MEIS1: variants seen among roughly 807,000 people sequenced by gnomAD.
MEIS1 encodes the protein homeobox protein Meis1.
MEIS1 carries 5 observed loss-of-function variants against 50.8 expected under a neutral mutation model. The observed-to-expected ratio is 0.10, with a 90% CI of 0.05 to 0.21. The LOEUF (loss-of-function observed/expected upper bound fraction) is 0.21. Among genes scored for constraint, MEIS1 ranks in the 10% least tolerant of loss-of-function variants. The pLI, the probability that MEIS1 is intolerant of heterozygous loss-of-function variation, is 1.00. For missense variants in MEIS1, 318 were observed against 517.3 expected (o/e 0.61, Z 3.74); for synonymous variants, 176 against 179.3 (o/e 0.98, Z 0.15).
chr2:66,450,700 T>C (rs1276093344), intron 6 of MEIS1, among the ~76,000 whole-genome samples: 1 of 152,150 alleles, frequency 6.6e-6, no homozygotes, highest in Non-Finnish European at 1.5e-5. Flanking sequence ...TGAGTGATAT[T>C]AGAATTACTC....
intron 10 of MEIS1, 143 bp from the exon 11 acceptor site, chr2:66,568,521 AAAT>A: frequency 2.1e-6 from 1 of 481,320 alleles, no homozygotes; most frequent in Non-Finnish European, 3.6e-6. Context: ...AGTCTGAGAG[AAAT>A]TTCACTTTGA....
intron 9 of MEIS1, among the ~76,000 whole-genome samples, chr2:66,552,726 C>G (rs942730039): frequency 6.6e-6 from 1 of 152,142 alleles, no homozygotes; most frequent in African/African-American, 2.4e-5. Context: ...TTATAATAAA[C>G]AGATTCAGCT....
chr2:66,510,014 A>C (rs1361354161), intron 7 of MEIS1, among the ~76,000 whole-genome samples: 1 of 152,194 alleles, frequency 6.6e-6, no homozygotes, highest in Admixed American at 6.5e-5. Context: ...GGAGGTGGTG[A>C]AAACAGTATT....
intron 8 of MEIS1, among the ~76,000 whole-genome samples, chr2:66,523,723 G>C (rs1674183505): frequency 6.6e-6 from 1 of 152,154 alleles, no homozygotes; most frequent in South Asian, 2.1e-4. Context: ...TTAATCTCCA[G>C]GGCTACAAAT....
chr2:66,435,707 C>T lies in MEIS1; in HGVS notation c.-150C>T, dbSNP rs969572514. 1.5e-6 allele frequency: 1 copy of T among 657,028 alleles called. No homozygotes were observed. The highest frequency in any genetic ancestry group is 2.0e-5 in the African/African-American group (1 of 49,384). 40.7% of individuals were successfully genotyped at this position (657,028 alleles called of 1,614,324 possible). On this transcript the variant is annotated 5_prime_UTR_variant, in exon 1 of 13. Transcript: ENST00000272369. ...GACCGAAGATCTGGGACCAGTAGCT[C>T]ACGTTGCTGGAGACGTTAAGGGATT...
At chr2:66,461,454 C>G (rs985044012) in intron 6 of MEIS1, among the ~76,000 whole-genome samples, 3 of 152,152 alleles carry the variant, frequency 2.0e-5, no homozygotes, top group Non-Finnish European at 4.4e-5. Flanking sequence ...TTCTAATGCT[C>G]AGTTTCATGT....
intron 7 of MEIS1, among the ~76,000 whole-genome samples, chr2:66,474,926 A>G (rs1254980069): frequency 6.6e-6 from 1 of 152,036 alleles, no homozygotes; most frequent in Non-Finnish European, 1.5e-5. Flanking sequence ...ATTTTTAAGA[A>G]AAAGAGAACT....
chr2:66,453,447 G>A (rs147368528), intron 6 of MEIS1, among the ~76,000 whole-genome samples: 3 of 152,016 alleles, frequency 2.0e-5, no homozygotes, highest in Non-Finnish European at 2.9e-5. Context: ...TAAGTATCTT[G>A]AAATATAGAA....
intron 7 of MEIS1, among the ~76,000 whole-genome samples, chr2:66,495,155 T>C (rs73937934): frequency 0.094 from 13,452 of 143,464 alleles, 1,182 homozygotes; most frequent in African/African-American, 0.23. Flanking sequence ...ATTAGCATGA[T>C]CACTCAGGCC....
Position 66,561,268 on chromosome 2 carries a change from T to C in MEIS1, c.966-6185T>C, listed in dbSNP as rs754132117. ...TGACTTTAAAAAAAAGTAGTAGATA[T>C]GATTTTATTTAAATGACTATGATAT... On this transcript the variant is annotated intron_variant, in intron 9 of 12. Coordinates refer to ENST00000272369, the MANE Select transcript of MEIS1 (RefSeq NM_002398.3). Among the ~76,000 whole-genome samples the C allele has an allele frequency of 5.9e-4, 90 of 152,138 alleles. 2 individuals carry two copies. The highest frequency in any genetic ancestry group is 1.8e-4 in the Non-Finnish European group (12 of 68,014).
chr2:66,540,597 C>T (rs982827795), intron 8 of MEIS1, among the ~76,000 whole-genome samples: 1 of 152,044 alleles, frequency 6.6e-6, no homozygotes, highest in African/African-American at 2.4e-5. Context: ...TGCTCCCAGC[C>T]CTGGTTTTCT....
intron 6 of MEIS1, among the ~76,000 whole-genome samples, chr2:66,451,134 A>G (rs1672267628): frequency 6.6e-6 from 1 of 152,136 alleles, no homozygotes. Flanking sequence ...CAATTAGGTG[A>G]AAAACTGAAA....
intron 8 of MEIS1, among the ~76,000 whole-genome samples, 192 bp from the exon 9 acceptor site, chr2:66,547,751 T>C (rs1188324594): frequency 6.6e-6 from 1 of 152,228 alleles, no homozygotes; most frequent in Non-Finnish European, 1.5e-5. Flanking sequence ...AGTAGCTATT[T>C]ATACACTTCA....
intron 6 of MEIS1, among the ~76,000 whole-genome samples, chr2:66,457,785 T>C (rs1480978724): frequency 1.3e-5 from 2 of 152,210 alleles, no homozygotes; most frequent in Non-Finnish European, 2.9e-5. Context: ...CATACGGACA[T>C]GGGCAAGCCT....
intron 7 of MEIS1, among the ~76,000 whole-genome samples, chr2:66,473,397 A>AAAAAAAAAAAAAAT: frequency 1.9e-5 from 2 of 107,610 alleles, no homozygotes; most frequent in African/African-American, 1.2e-4. Flanking sequence ...AAAAAAAAAA[A>AAAAAAAAAAAAAAT]ATATATATAT....
chr2:66,464,827 G>A (rs1029352728), intron 7 of MEIS1, among the ~76,000 whole-genome samples: 2 of 152,202 alleles, frequency 1.3e-5, no homozygotes, highest in African/African-American at 2.4e-5. Context: ...GTATGTGAGT[G>A]TCCATGGATT....
At chr2:66,478,954 G>A (rs1477976344) in intron 7 of MEIS1, among the ~76,000 whole-genome samples, 1 of 152,192 alleles carries the variant, frequency 6.6e-6, no homozygotes, top group East Asian at 1.9e-4. Context: ...TCATTCTTAT[G>A]ACCGCAATGG....
intron 8 of MEIS1, among the ~76,000 whole-genome samples, chr2:66,530,668 A>G (rs1674370152): frequency 6.6e-6 from 1 of 151,870 alleles, no homozygotes; most frequent in Admixed American, 6.6e-5. Context: ...GTGAGCCGCG[A>G]TTGCGCCACT....
chr2:66,468,590 C>G (rs1672694956), intron 7 of MEIS1, among the ~76,000 whole-genome samples: 1 of 152,206 alleles, frequency 6.6e-6, no homozygotes, highest in South Asian at 2.1e-4. Context: ...CAAGCCGGGA[C>G]TTGAACCCAC....
Sources: gnomAD v4.1 joint callset for allele counts (sites outside exome capture counted in the v4.1 genomes callset) on GRCh38, gnomAD v4.1.1 for gene constraint, MANE v1.5 for transcripts, NCBI Gene and HGNC (gene_info 2026-07-23, HGNC 2026-07-21) for gene names.